The following FCGRT variants were observed in gnomAD, a reference collection of about 807,000 sequenced individuals.
FCGRT encodes Fc gamma receptor and transporter.
In FCGRT, 13 loss-of-function variants were observed where a neutral mutation model predicts 35.7. That is an observed-to-expected ratio of 0.36 (90% CI 0.24 to 0.58). FCGRT has a LOEUF of 0.58. Ranked by LOEUF, FCGRT falls within the 20% of genes least tolerant of loss-of-function variation. The pLI, the probability that FCGRT is intolerant of heterozygous loss-of-function variation, is 0.77. For synonymous variants in FCGRT, 233 were observed against 216.5 expected (o/e 1.08, Z -0.67); for missense variants, 455 against 474.9 (o/e 0.96, Z 0.39).
intron 6 of FCGRT, 119 bp downstream of exon 6, chr19:49,525,692 G>T: frequency 1.4e-6 from 1 of 733,198 alleles, no homozygotes; most frequent in Admixed American, 2.2e-5. Flanking sequence ...GAGAGGTGGA[G>T]ACAGAAACCC....
intron 4 of FCGRT, among the ~76,000 whole-genome samples, chr19:49,514,719 G>C (rs1310782689): frequency 5.4e-5 from 8 of 147,642 alleles, no homozygotes; most frequent in African/African-American, 2.0e-4. Flanking sequence ...GTGAGACGGA[G>C]TTTCGCTCTT....
At position 49,524,474 on chromosome 19, in the gene FCGRT, G is replaced by T. The variant is rs113663763; in HGVS notation, c.602-33G>T. ...CCCTGGCTCTGGGAGTGGTGGGCTC[G>T]CGACTTAGGCCTGTCTGCCTGATTT... On this transcript the variant is annotated intron_variant, in intron 4 of 6. Coordinates refer to ENST00000221466, the MANE Select transcript of FCGRT (RefSeq NM_001136019.3). The T allele has an allele frequency of 1.4e-5, 23 of 1,588,212 alleles. 1 individual carries two copies. Among genetic ancestry groups the T allele is most frequent in the African/African-American group, 1.2e-4 (9 of 74,498 alleles).
rs1172109872 is a variant in FCGRT at position 49,524,759 on chromosome 19, C to T, written c.854C>T (p.Pro285Leu). 1 of 1,600,490 alleles carries T rather than the reference C, an allele frequency of 6.2e-7. No homozygotes were observed. The highest frequency in any genetic ancestry group is 8.5e-7 in the Non-Finnish European group (1 of 1,179,784). ...CIVQHAGLAQPLRVELESPAK... is the reference protein window; with the variant it reads ...CIVQHAGLAQLLRVELESPAK... ...GTGCAGCACGCGGGGCTGGCGCAGC[C>T]CCTCAGGGTGGAGCTGGGTGAGGTC... Residue 285 changes from proline (P) to leucine (L), a missense_variant, in exon 5 of 7, where the codon CCC (proline) becomes CTC (leucine). This residue lies in a region of FCGRT where 312 missense variants were observed against 296.1 expected (regional missense o/e 1.05). Transcript: ENST00000221466.
At position 49,524,751 on chromosome 19, in the gene FCGRT, G is replaced by A. The variant is rs1352771046; in HGVS notation, c.846G>A (p.Leu282=). 1 of 1,600,996 alleles carries A rather than the reference G, an allele frequency of 6.2e-7. No individual in the cohort carries two copies. Among genetic ancestry groups the A allele is most frequent in the South Asian group, 1.1e-5 (1 of 91,016 alleles). ...HYCCIVQHAG[L]AQPLRVELES... is the part of the protein sequence containing the mutation. The stretch of plus-strand genomic sequence containing the variant: ...GCTGCATTGTGCAGCACGCGGGGCT[G>A]GCGCAGCCCCTCAGGGTGGAGCTGG... Residue 282 remains leucine, a synonymous_variant, in exon 5 of 7, where the codon CTG becomes CTA. Transcript: ENST00000221466.
intron 2 of FCGRT, 122 bp from the exon 3 acceptor site, chr19:49,513,757 TGTC>T (rs2079988995): frequency 5.4e-6 from 1 of 186,550 alleles, no homozygotes; most frequent in African/African-American, 3.4e-5. Flanking sequence ...CCCGGGTTTC[TGTC>T]CCCTCTCTCT....
chr19:49,513,747 C>CA, intron 2 of FCGRT, 135 bp from the exon 3 acceptor site: 1 of 320,296 alleles, frequency 3.1e-6, no homozygotes, highest in African/African-American at 3.7e-5. Context: ...TCCCCCCCCC[C>CA]CCGGGTTTCT....
At position 49,524,627 on chromosome 19, in the gene FCGRT, C is replaced by T. The variant is rs2080062102; in HGVS notation, c.722C>T (p.Ala241Val). 2 of 1,609,684 alleles carry T rather than the reference C, an allele frequency of 1.2e-6. No individual in the cohort carries two copies. Among genetic ancestry groups the T allele is most frequent in the African/African-American group, 1.3e-5 (1 of 74,948 alleles). Residue 241 changes from alanine to valine, a missense_variant, in exon 5 of 7, where the codon GCC (alanine) becomes GTC (valine). Transcript: ENST00000221466. The part of the protein sequence containing the change: ...LQLRFLRNGL[A>V]AGTGQGDFGP... ...CTTCGGTTCCTGCGGAATGGGCTGG[C>T]CGCTGGCACCGGCCAGGGTGACTTC... is the stretch of plus-strand genomic sequence containing the variant.
chr19:49,525,047 ATCCTGC>A (rs2122699769), intron 5 of FCGRT: 1 of 592,022 alleles, frequency 1.7e-6, no homozygotes, highest in South Asian at 1.6e-5. Flanking sequence ...ACCATCTTCC[ATCCTGC>A]TGCTGCTGCT....
rs1248263596 is a variant in FCGRT at position 49,513,748 on chromosome 19, C to CCCG, written c.74-133_74-132insCGC. ...TCTCTGGGTCTCTGTCCCCCCCCCC[C>CCCG]CGGGTTTCTGTCCCCTCTCTCTGAA... On this transcript the variant is annotated intron_variant, in intron 2 of 6. Transcript: ENST00000221466. 142 of 308,968 alleles carry CCCG rather than the reference C, an allele frequency of 4.6e-4. 5 individuals carry two copies. The highest frequency in any genetic ancestry group is 2.3e-3 in the Middle Eastern group (2 of 854). 19.1% of individuals were successfully genotyped at this position (308,968 alleles called of 1,614,324 possible).
chr19:49,523,016 A>G (rs549490175), intron 4 of FCGRT, among the ~76,000 whole-genome samples: 1 of 151,792 alleles, frequency 6.6e-6, no homozygotes, highest in East Asian at 2.0e-4. Context: ...TGACCTCGTG[A>G]TCCGCCTGCC....
intron 4 of FCGRT, among the ~76,000 whole-genome samples, chr19:49,518,700 AT>A (rs1330111005): frequency 6.6e-6 from 1 of 151,738 alleles, no homozygotes; most frequent in Non-Finnish European, 1.5e-5. Context: ...CGCCCTGCTA[AT>A]TTTTTGTATC....
At chr19:49,525,245 G>A (rs2080067336) in intron 5 of FCGRT, 4 of 558,818 alleles carry the variant, frequency 7.2e-6, no homozygotes, top group South Asian at 1.8e-5. Context: ...ATCCATTGCC[G>A]GTGTGACCGC....
intron 4 of FCGRT, among the ~76,000 whole-genome samples, chr19:49,523,656 T>C (rs561497633): frequency 7.9e-5 from 12 of 151,990 alleles, no homozygotes; most frequent in African/African-American, 2.9e-4. Context: ...GTCAGGAGAT[T>C]GAGACCATCC....
At position 49,524,684 on chromosome 19, in the gene FCGRT, C is replaced by T. The variant is rs763978019; in HGVS notation, c.779C>T (p.Ser260Leu). The change falls in exon 5 of 7, where the codon TCG becomes TTG. Residue 260 changes from serine (S) to leucine (L), a missense_variant. Physicochemically the swap from Ser to Leu is moderately radical, Grantham distance 145. Around this residue, in one of 3 missense-constraint regions of FCGRT, gnomAD observed 312 missense variants for 296.1 expected, o/e 1.05. Coordinates refer to ENST00000221466, the MANE Select transcript of FCGRT (RefSeq NM_001136019.3). ...AACAGTGACGGATCCTTCCACGCCTCGTCGTCACTAACAGTCAAAAGTGGC... is the reference window on the plus strand; with the variant it reads ...AACAGTGACGGATCCTTCCACGCCTTGTCGTCACTAACAGTCAAAAGTGGC... Reference protein sequence around the residue: ...GPNSDGSFHASSSLTVKSGDE... With the variant: ...GPNSDGSFHALSSLTVKSGDE... 40 of 1,604,138 alleles carry T rather than the reference C, an allele frequency of 2.5e-5. No individual in the cohort carries two copies. Among genetic ancestry groups the T allele is most frequent in the East Asian group, 8.9e-5 (4 of 44,874 alleles).
chr19:49,525,879 A>T (rs1465491377), intron 6 of FCGRT, 131 bp from the exon 7 acceptor site: 7 of 763,490 alleles, frequency 9.2e-6, no homozygotes, highest in Non-Finnish European at 1.6e-5. Context: ...AGAAGGGGAG[A>T]CAAAGGCCCA....
intron 4 of FCGRT, among the ~76,000 whole-genome samples, chr19:49,523,586 CGTG>C (rs920371450): frequency 1.4e-5 from 2 of 146,622 alleles, no homozygotes; most frequent in African/African-American, 5.1e-5. Context: ...AAAGGCTAGG[CGTG>C]GTGGCTCACA....
chr19:49,514,652 C>T (rs1221158606), intron 4 of FCGRT, among the ~76,000 whole-genome samples, 166 bp downstream of exon 4: 3 of 151,862 alleles, frequency 2.0e-5, no homozygotes, highest in South Asian at 2.1e-4. Flanking sequence ...GGCTCCCCAG[C>T]GCCCCCCAGG....
In FCGRT at chr19:49,523,674, G is replaced by C. The variant is rs547246980; in HGVS notation, c.602-833G>C. On this transcript the variant is annotated intron_variant, in intron 4 of 6. Transcript: ENST00000221466. The stretch of plus-strand genomic sequence containing the variant: ...AGGAGATTGAGACCATCCTGGCTAA[G>C]ACGGTGAAACCCCGTCTCTACTAAA... Among the ~76,000 whole-genome samples the C allele has an allele frequency of 2.6e-5, 4 of 151,950 alleles. No homozygotes were observed. The East Asian group carries it at 7.8e-4, about 30-fold the overall frequency.
chr19:49,526,251 G>A lies in FCGRT; in HGVS notation c.*132G>A. 1 of 645,922 alleles carries A rather than the reference G, an allele frequency of 1.5e-6. No homozygotes were observed. The highest frequency in any genetic ancestry group is 2.8e-6 in the Non-Finnish European group (1 of 363,622). The allele number at this position is 645,922 out of a possible 1,614,324, so 40.0% of individuals were successfully genotyped here. A position where few individuals can be genotyped will look rare whatever the true frequency, so the allele number is the denominator to read the frequency against. ...CTAGTTGTCCTCCCTCTGGAGCCCC[G>A]TCCTGTGGTCTGCCTCAGTTTCCCC... is the stretch of plus-strand genomic sequence containing the variant. On this transcript the variant is annotated 3_prime_UTR_variant, in exon 7 of 7. Transcript: ENST00000221466.
Sources: allele counts gnomAD v4.1 joint callset (sites outside exome capture counted in the v4.1 genomes callset), GRCh38; gene constraint gnomAD v4.1.1; regional missense constraint gnomAD v4.1.1; transcripts MANE v1.5; gene names NCBI Gene and HGNC (gene_info 2026-07-23, HGNC 2026-07-21).